Variants in ALG3 observed in about 807,000 individuals in gnomAD.
The protein encoded by ALG3 is dol-P-Man:Man(5)GlcNAc(2)-PP-Dol alpha-1,3-mannosyltransferase.
A neutral mutation model predicts 50.5 loss-of-function variants in ALG3; 39 were observed. The observed-to-expected ratio is 0.77, with a 90% confidence interval of 0.60 to 1.01. The LOEUF (loss-of-function observed/expected upper bound fraction) is 1.01, where lower values mean the gene tolerates loss of function less well. ALG3 is among the 50% of genes least tolerant of loss of function. ALG3 has a pLI of 0.00. For synonymous variants in ALG3, 252 were observed against 237.2 expected, an observed-to-expected ratio of 1.06 and a Z score of -0.58; for missense variants, 520 against 554.8, an observed-to-expected ratio of 0.94 and a Z score of 0.63.
chr3:184,244,264 C>T, intron 5 of ALG3: 1 of 537,744 alleles, frequency 1.9e-6, no homozygotes. Flanking sequence ...CTCTCAGAAG[C>T]CAGGCAGGGT....
rs778498881 is a variant in ALG3 at position 184,243,778 on chromosome 3, T to A, written c.932+13A>T. 6.2e-7 allele frequency: 1 copy of A among 1,610,266 alleles called. No individual in the cohort carries two copies. Among genetic ancestry groups the A allele is most frequent in the East Asian group, 2.2e-5 (1 of 44,780 alleles). ...CCCCCAACTCTGCCCATGGCACTAC[T>A]GCCTTTTCTCACCTGTGCCACCTGC... On this transcript the variant is annotated intron_variant, in intron 6 of 8. Transcript: ENST00000397676.
chr3:184,248,486 C>G (rs1270201358), intron 1 of ALG3, among the ~76,000 whole-genome samples: 1 of 152,172 alleles, frequency 6.6e-6, no homozygotes, highest in Non-Finnish European at 1.5e-5. Flanking sequence ...TGGCTCAAAT[C>G]TGACTTCTAA....
Position 184,248,946 on chromosome 3 carries a change from C to T in ALG3, c.-6G>A, listed in dbSNP as rs1272732393. ...TTCCGCAGCCCAGCCGCCATCTTAA[C>T]GGTGCGCCGCTTGTGTGGGCCCACC... On this transcript the variant is annotated 5_prime_UTR_variant, in exon 1 of 9. Transcript: ENST00000397676. 2 of 1,572,436 alleles carry T rather than the reference C, an allele frequency of 1.3e-6. No individual in the cohort carries two copies. Among genetic ancestry groups the T allele is most frequent in the Non-Finnish European group, 1.7e-6 (2 of 1,161,612 alleles).
At chr3:184,246,290 C>G (rs537960326) in intron 1 of ALG3, among the ~76,000 whole-genome samples, 29 of 152,284 alleles carry the variant, frequency 1.9e-4, no homozygotes, top group African/African-American at 6.7e-4. Context: ...TTTCACCCTG[C>G]TACAATATAT....
chr3:184,245,434 C>A (rs12639447), intron 3 of ALG3, 34 bp downstream of exon 3: 3 of 1,613,372 alleles, frequency 1.9e-6, no homozygotes, highest in East Asian at 4.5e-5. Flanking sequence ...CCCTCCCAGG[C>A]TGGGGCCCTC....
rs778594200 is a variant in ALG3 at position 184,245,571 on chromosome 3, G to A, written c.341C>T (p.Ala114Val). The change falls in exon 3 of 9, where the codon GCC (alanine) becomes GTC (valine). Residue 114 changes from alanine (A) to valine (V), a missense_variant. Around this residue, in one of 3 missense-constraint regions of ALG3, gnomAD observed 290 missense variants for 265.9 expected, o/e 1.09. Transcript: ENST00000397676. ...GCGGATGTCAGTGCCTCGGCTGGTGGCATAGTACAACCCCATAAAGATGTA... is the reference window on the plus strand; with the variant it reads ...GCGGATGTCAGTGCCTCGGCTGGTGACATAGTACAACCCCATAAAGATGTA... Reference protein sequence around the residue: ...FVYIFMGLYYATSRGTDIRMA... With the variant: ...FVYIFMGLYYVTSRGTDIRMA... The A allele has an allele frequency of 6.8e-6, 11 of 1,613,604 alleles. No homozygotes were observed. The highest frequency in any genetic ancestry group is 3.3e-5 in the Admixed American group (2 of 59,926).
intron 1 of ALG3, among the ~76,000 whole-genome samples, chr3:184,248,103 C>A (rs1356366468): frequency 1.3e-5 from 2 of 152,046 alleles, no homozygotes; most frequent in Admixed American, 1.3e-4. Flanking sequence ...ATCCGCCCGC[C>A]TCGGCCTCCC....
rs371542916 is a variant in ALG3, at chr3:184,242,995, G to C, written c.1010-38C>G. 45 of 1,606,772 alleles carry C rather than the reference G, an allele frequency of 2.8e-5. No homozygotes were observed. In the African/African-American group the frequency reaches 2.9e-4, roughly 10 times the overall value. ...CAAGGCCAAGGGCAGGAGTGTGTGT[G>C]GGGGGGACTATCCCAAAACAGAGGG... On this transcript the variant is annotated intron_variant, in intron 7 of 8. Coordinates refer to ENST00000397676, the MANE Select transcript of ALG3 (RefSeq NM_005787.6).
chr3:184,244,160 C>G (rs1719001009), intron 5 of ALG3, among the ~76,000 whole-genome samples, 164 bp from the exon 6 acceptor site: 6 of 152,194 alleles, frequency 3.9e-5, no homozygotes, highest in Admixed American at 3.9e-4. Context: ...CCGGCCCAGG[C>G]CAGTGCCTGG....
rs1445508255 is a variant in ALG3 at position 184,242,404 on chromosome 3, C to T, written c.*110G>A. 7.3e-7 allele frequency: 1 copy of T among 1,364,262 alleles called. No homozygotes were observed. The highest frequency in any genetic ancestry group is 2.5e-5 in the East Asian group (1 of 40,234). 84.5% of individuals were successfully genotyped at this position (1,364,262 alleles called of 1,614,324 possible). On this transcript the variant is annotated 3_prime_UTR_variant, in exon 9 of 9. Transcript: ENST00000397676. ...GACCAGGCATCGGCTGCCCCCACCTCCATGTAGGTTGCACAGAGTTGGACT... is the reference window on the plus strand; with the variant it reads ...GACCAGGCATCGGCTGCCCCCACCTTCATGTAGGTTGCACAGAGTTGGACT...
rs781026655 is a variant in ALG3 at position 184,245,766 on chromosome 3, G to A, written c.243C>T (p.Val81=). 6.2e-7 allele frequency: 1 copy of A among 1,613,904 alleles called. No individual in the cohort carries two copies. Among genetic ancestry groups the A allele is most frequent in the Non-Finnish European group, 8.5e-7 (1 of 1,179,856 alleles). The change falls in exon 2 of 9, where the codon GTC becomes GTT. Residue 81 remains valine (V), a synonymous_variant. Coordinates refer to ENST00000397676, the MANE Select transcript of ALG3 (RefSeq NM_005787.6). ...WKAYMAEVEG[V]INGTYDYTQL... ...GGGTATAGTCATAGGTACCATTGAT[G>A]ACGCCTTCTACCTCGGCCATGTAGG... is the stretch of plus-strand genomic sequence containing the variant.
chr3:184,249,465 T>C (rs1719405423), upstream of ALG3: 1 of 754,848 alleles, frequency 1.3e-6, no homozygotes, highest in Non-Finnish European at 2.1e-6. Context: ...ACACCTTGAG[T>C]GCGGCCCTAG....
At chr3:184,246,734 T>C (rs894130905) in intron 1 of ALG3, among the ~76,000 whole-genome samples, 9 of 151,388 alleles carry the variant, frequency 5.9e-5, no homozygotes, top group African/African-American at 1.9e-4. Context: ...TGGAGTGCAG[T>C]GGTACGATCT....
At chr3:184,245,146 A>C in intron 4 of ALG3, 52 bp downstream of exon 4, 1 of 1,605,634 alleles carries the variant, frequency 6.2e-7, no homozygotes, top group Non-Finnish European at 8.5e-7. Context: ...GAAATTGGGA[A>C]GAGATGGAAA....
intron 7 of ALG3, chr3:184,243,317 T>C (rs964758786): frequency 9.6e-5 from 56 of 584,664 alleles, no homozygotes; most frequent in Non-Finnish European, 1.5e-4. Flanking sequence ...TTAGAACATA[T>C]GTAAATCTCT....
At position 184,245,752 on chromosome 3, in the gene ALG3, T is replaced by C. The variant is rs765979243; in HGVS notation, c.257A>G (p.Tyr86Cys). The C allele has an allele frequency of 7.4e-6, 12 of 1,613,754 alleles. No individual in the cohort carries two copies. Among genetic ancestry groups the C allele is most frequent in the Middle Eastern group, 1.6e-4 (1 of 6,084 alleles). The change falls in exon 2 of 9, where the codon TAT becomes TGT. Residue 86 changes from tyrosine (Y) to cysteine (C), a missense_variant. By Grantham distance (194) the Tyr-to-Cys change is radical. Around this residue, in one of 3 missense-constraint regions of ALG3, gnomAD observed 290 missense variants for 265.9 expected, o/e 1.09. Transcript: ENST00000397676. The stretch of plus-strand genomic sequence containing the variant: ...GTCACCCTGCAGTTGGGTATAGTCA[T>C]AGGTACCATTGATGACGCCTTCTAC... ...AEVEGVINGT[Y>C]DYTQLQGDTG...
chr3:184,243,575 G>A lies in ALG3; in HGVS notation c.988C>T (p.Pro330Ser). The A allele has an allele frequency of 6.2e-7, 1 of 1,613,932 alleles. No individual in the cohort carries two copies. Residue 330 changes from proline to serine, a missense_variant, in exon 7 of 9, where the codon CCC (proline) becomes TCC (serine). Coordinates refer to ENST00000397676, the MANE Select transcript of ALG3 (RefSeq NM_005787.6). Reference protein sequence around the residue: ...LRDPSKRKVPPQPLTPNQIVS... With the variant: ...LRDPSKRKVPSQPLTPNQIVS... ...ATATGGTTGGGTGTAAGGGGCTGGG[G>A]TGGAACCTTCCTTTTGGAGGGATCC... is the stretch of plus-strand genomic sequence containing the variant.
In ALG3 at chr3:184,243,979, G is replaced by C. The variant is rs1367902431; in HGVS notation, c.744C>G (p.Pro248=). The stretch of plus-strand genomic sequence containing the variant: ...AGCCGCTGGGGTTCTCCAGCAGGAA[G>C]GGCAGCCCCAGCACCACCTGAGGAT... ...CAGLQVVLGL[P]FLLENPSGYL... is the part of the protein sequence containing the mutation. Residue 248 remains proline, a synonymous_variant, in exon 6 of 9, where the codon CCC becomes CCG. Coordinates refer to ENST00000397676, the MANE Select transcript of ALG3 (RefSeq NM_005787.6). The C allele has an allele frequency of 1.5e-5, 25 of 1,613,222 alleles. No homozygotes were observed. Among genetic ancestry groups the C allele is most frequent in the Non-Finnish European group, 2.1e-5 (25 of 1,179,776 alleles).
chr3:184,248,677 T>G, intron 1 of ALG3, 68 bp downstream of exon 1: 148 of 1,401,260 alleles, frequency 1.1e-4, no homozygotes, highest in Non-Finnish European at 1.3e-4. Flanking sequence ...GTTCCAGGTC[T>G]GAGATCCAGT....
Sources: allele counts gnomAD v4.1 joint callset (sites outside exome capture counted in the v4.1 genomes callset), GRCh38; gene constraint gnomAD v4.1.1; regional missense constraint gnomAD v4.1.1; transcripts MANE v1.5; gene names NCBI Gene and HGNC (gene_info 2026-07-23, HGNC 2026-07-21).